The following PLCG2 variants were observed in gnomAD, a reference collection of about 807,000 sequenced individuals.
PLCG2 encodes the protein 1-phosphatidylinositol 4,5-bisphosphate phosphodiesterase gamma-2.
In PLCG2, 69 loss-of-function variants were observed where a neutral mutation model predicts 175.6. The observed-to-expected ratio is 0.39, with a 90% CI of 0.32 to 0.48. The LOEUF (loss-of-function observed/expected upper bound fraction) is 0.48, where lower values mean the gene tolerates loss of function less well. PLCG2 is among the 20% of genes least tolerant of loss of function. PLCG2 has a pLI of 0.91. For missense variants in PLCG2, 1,798 were observed against 1,650.9 expected, an observed-to-expected ratio of 1.09 and a Z score of -1.54; for synonymous variants, 827 against 624.0, an observed-to-expected ratio of 1.33 and a Z score of -4.85.
chr16:81,925,891 A>AAAAG (rs144775047), intron 22 of PLCG2, among the ~76,000 whole-genome samples: 26,428 of 74,206 alleles, frequency 0.36, 2,581 homozygotes, highest in South Asian at 0.49. Context: ...GTCTCAAAAA[A>AAAAG]AAAAAAAAAA....
At chr16:81,834,182 C>G (rs1280911494) in intron 2 of PLCG2, among the ~76,000 whole-genome samples, 6 of 152,136 alleles carry the variant, frequency 3.9e-5, no homozygotes, top group African/African-American at 1.4e-4. Context: ...GAAAATGGGG[C>G]TTTCTTCCCA....
chr16:81,921,431 T>A, intron 21 of PLCG2, 162 bp downstream of exon 21: 1 of 677,896 alleles, frequency 1.5e-6, no homozygotes, highest in Non-Finnish European at 2.7e-6. Context: ...ATTGATAATA[T>A]CAAGCCTAGT....
chr16:81,811,922 C>T (rs1052807623), intron 2 of PLCG2, among the ~76,000 whole-genome samples: 2 of 152,054 alleles, frequency 1.3e-5, no homozygotes, highest in African/African-American at 2.4e-5. Flanking sequence ...ATTTCTGGTG[C>T]TAGATCCTCG....
chr16:81,883,489 T>C (rs1203320296), intron 9 of PLCG2, 148 bp downstream of exon 9: 5 of 642,452 alleles, frequency 7.8e-6, no homozygotes, highest in Middle Eastern at 7.7e-4. Context: ...CATGGAACGA[T>C]TGCAGTCTGC....
At chr16:81,833,173 G>T (rs902015099) in intron 2 of PLCG2, among the ~76,000 whole-genome samples, 1 of 152,240 alleles carries the variant, frequency 6.6e-6, no homozygotes, top group African/African-American at 2.4e-5. Context: ...CCCACAGCAT[G>T]AGGATACCAC....
chr16:81,837,168 G>A (rs1035382706), intron 2 of PLCG2, among the ~76,000 whole-genome samples: 1 of 152,210 alleles, frequency 6.6e-6, no homozygotes, highest in East Asian at 1.9e-4. Context: ...CTCAAAGAAC[G>A]AGAATACATA....
intron 2 of PLCG2, among the ~76,000 whole-genome samples, chr16:81,794,546 C>G (rs1257616450): frequency 2.0e-5 from 3 of 152,126 alleles, no homozygotes; most frequent in African/African-American, 7.2e-5. Flanking sequence ...AAATCCTGGT[C>G]CTGCACTTGG....
rs1245467803 is a variant in PLCG2, at chr16:81,759,943, G to A, written c.-48+3977G>A. On this transcript the variant is annotated intron_variant, in intron 2 of 5. Transcript: ENST00000565054. ...AGATCGAGACCATCCTGGCTAACACGGTGAAACCCCGTCTCTACTAAAAAT... is the reference window on the plus strand; with the variant it reads ...AGATCGAGACCATCCTGGCTAACACAGTGAAACCCCGTCTCTACTAAAAAT... Among the ~76,000 whole-genome samples, 4 of 152,302 alleles carry A rather than the reference G, an allele frequency of 2.6e-5. No individual in the cohort carries two copies. The East Asian group carries it at 5.8e-4, about 22-fold the overall frequency.
intron 13 of PLCG2, among the ~76,000 whole-genome samples, chr16:81,896,483 T>G (rs1597115578): frequency 1.3e-5 from 2 of 148,834 alleles, no homozygotes; most frequent in African/African-American, 2.5e-5. Context: ...GAAGCTGAGG[T>G]GGGAGGATTG....
At chr16:81,778,020 A>AT (rs1331995261), upstream of PLCG2, among the ~76,000 whole-genome samples, 1 of 66,658 alleles carries the variant, frequency 1.5e-5, no homozygotes, top group Non-Finnish European at 2.9e-5. Context: ...TTGTCTCAAA[A>AT]AAAAAAAAAA....
chr16:81,906,838 G>C (rs1370247416), intron 15 of PLCG2, among the ~76,000 whole-genome samples: 1 of 152,174 alleles, frequency 6.6e-6, no homozygotes, highest in East Asian at 1.9e-4. Context: ...AGGAGATCGA[G>C]ACCATCCTGG....
At chr16:81,744,183 G>GT (rs1909657167) in intron 1 of PLCG2, among the ~76,000 whole-genome samples, 1 of 91,536 alleles carries the variant, frequency 1.1e-5, no homozygotes, top group Non-Finnish European at 2.3e-5. Context: ...TTTTTTTTTT[G>GT]TTTGAGATGG....
intron 1 of PLCG2, among the ~76,000 whole-genome samples, chr16:81,752,260 T>C (rs1484247030): frequency 2.0e-5 from 3 of 152,160 alleles, no homozygotes; most frequent in South Asian, 4.1e-4. Flanking sequence ...TAGAATATCA[T>C]TGTGGGGTGA....
At chr16:81,889,479 G>A in intron 10 of PLCG2, 1 of 485,954 alleles carries the variant, frequency 2.1e-6, no homozygotes, top group Non-Finnish European at 3.7e-6. Flanking sequence ...CTGCCCAGTG[G>A]GTTCATTTTG....
intron 2 of PLCG2, among the ~76,000 whole-genome samples, chr16:81,770,122 T>G (rs1306713584): frequency 6.6e-6 from 1 of 152,148 alleles, no homozygotes; most frequent in Non-Finnish European, 1.5e-5. Context: ...TATTTTAATT[T>G]TTATTGATGC....
upstream of PLCG2, among the ~76,000 whole-genome samples, chr16:81,776,908 C>T (rs990536323): frequency 1.3e-5 from 2 of 152,032 alleles, no homozygotes; most frequent in East Asian, 3.9e-4. Context: ...GATGAAGGGC[C>T]TCCAGTACTC....
At chr16:81,833,908 C>G (rs927324163) in intron 2 of PLCG2, among the ~76,000 whole-genome samples, 1 of 152,198 alleles carries the variant, frequency 6.6e-6, no homozygotes, top group Non-Finnish European at 1.5e-5. Flanking sequence ...CTTCTGGCAT[C>G]TCTCTGTCTG....
At chr16:81,919,823 T>C (rs1048091800) in intron 20 of PLCG2, among the ~76,000 whole-genome samples, 159 bp downstream of exon 20, 1 of 152,210 alleles carries the variant, frequency 6.6e-6, no homozygotes. Flanking sequence ...CCTGCCGTTG[T>C]GCTGCTTATA....
chr16:81,793,349 C>G (rs1185307144), intron 2 of PLCG2, among the ~76,000 whole-genome samples: 1 of 152,146 alleles, frequency 6.6e-6, no homozygotes, highest in African/African-American at 2.4e-5. Flanking sequence ...GGGGTCTGCT[C>G]TGGGGCCTTT....
Sources: gnomAD v4.1 joint callset for allele counts (sites outside exome capture counted in the v4.1 genomes callset) on GRCh38, gnomAD v4.1.1 for gene constraint, MANE v1.5 for transcripts, NCBI Gene and HGNC (gene_info 2026-07-23, HGNC 2026-07-21) for gene names.